LRP8: variants seen among roughly 807,000 people sequenced by gnomAD.
LRP8 encodes LDL receptor related protein 8.
A neutral mutation model predicts 111.6 loss-of-function variants in LRP8; 46 were observed. The observed-to-expected ratio is 0.41, with a 90% CI of 0.33 to 0.53. LRP8 has a LOEUF of 0.53. Ranked by LOEUF, LRP8 falls within the 20% of genes least tolerant of loss-of-function variation. The pLI is 0.20. For synonymous variants in LRP8, 464 were observed against 511.2 expected, an observed-to-expected ratio of 0.91 and a Z score of 1.24; for missense variants, 959 against 1,297.4, an observed-to-expected ratio of 0.74 and a Z score of 4.01.
At chr1:53,309,784 C>T (rs1652661275) in intron 2 of LRP8, among the ~76,000 whole-genome samples, 1 of 152,204 alleles carries the variant, frequency 6.6e-6, no homozygotes, top group African/African-American at 2.4e-5. Flanking sequence ...CCACCTCCGA[C>T]TCCTCTCAGC....
At chr1:53,272,629 G>A in intron 6 of LRP8, 1 of 1,289,626 alleles carries the variant, frequency 7.8e-7, no homozygotes, top group Non-Finnish European at 1.0e-6. Context: ...TGTTTCCCAG[G>A]AATGTTGGCG....
chr1:53,295,458 G>C (rs1038486463), intron 2 of LRP8, among the ~76,000 whole-genome samples: 1 of 152,140 alleles, frequency 6.6e-6, no homozygotes, highest in African/African-American at 2.4e-5. Flanking sequence ...GGCTTTCCTT[G>C]AGCTTGCCCA....
intron 3 of LRP8, among the ~76,000 whole-genome samples, chr1:53,281,042 A>G (rs1647090260): frequency 6.6e-6 from 1 of 152,100 alleles, no homozygotes; most frequent in African/African-American, 2.4e-5. Flanking sequence ...AGTTCTGGCA[A>G]CATGGAGCCA....
chr1:53,311,805 C>A (rs1389142995), intron 2 of LRP8, among the ~76,000 whole-genome samples: 1 of 152,228 alleles, frequency 6.6e-6, no homozygotes, highest in African/African-American at 2.4e-5. Context: ...ATGTGGCTTC[C>A]CTTCTCCCCA....
chr1:53,275,505 GA>G lies in LRP8; in HGVS notation c.1006+125del. ...GGAGCCAGGTGATTTAGGGGCAAGT[GA>G]TGCTCTGGGGGAAAATGCATCTTGG... On this transcript the variant is annotated intron_variant, in intron 6 of 18. Transcript: ENST00000306052. The surrounding 1 kb of genome is among the most constrained non-coding windows in gnomAD (Gnocchi z 4.4). 7.7e-7 allele frequency: 1 copy of G among 1,292,166 alleles called. No individual in the cohort carries two copies. The highest frequency in any genetic ancestry group is 1.1e-6 in the Non-Finnish European group (1 of 930,902). 80.0% of individuals were successfully genotyped at this position (1,292,166 alleles called of 1,614,324 possible).
At chr1:53,319,258 G>C (rs1654187201) in intron 2 of LRP8, among the ~76,000 whole-genome samples, 1 of 152,188 alleles carries the variant, frequency 6.6e-6, no homozygotes, top group Non-Finnish European at 1.5e-5. Context: ...CAGAGTGGCT[G>C]GGATGAAGTC....
chr1:53,251,447 C>G (rs1645892794), intron 16 of LRP8, among the ~76,000 whole-genome samples: 1 of 151,886 alleles, frequency 6.6e-6, no homozygotes, highest in Non-Finnish European at 1.5e-5. Context: ...ACACAGAGGG[C>G]AACACAAGCT....
chr1:53,266,495 G>A lies in LRP8; in HGVS notation c.1405C>T (p.Leu469Phe), dbSNP rs371648387. The change falls in exon 9 of 19, where the codon CTC (leucine) becomes TTC (phenylalanine). Residue 469 changes from leucine (L) to phenylalanine (F), a missense_variant. By Grantham distance (22) the Leu-to-Phe change is conservative. Transcript: ENST00000306052. The surrounding 1 kb of genome is among the most constrained non-coding windows in gnomAD (Gnocchi z 5.0). ...VATNRIYWCD[L>F]SYRKIYSAYM... The stretch of plus-strand genomic sequence containing the variant: ...CACCTATAGATCTTACGGTAGGAGA[G>A]GTCACACCAGTAGATGCGATTGGTG... 3.1e-6 allele frequency: 5 copies of A among 1,614,162 alleles called. No homozygotes were observed. Among genetic ancestry groups the A allele is most frequent in the South Asian group, 2.2e-5 (2 of 91,082 alleles).
rs778529390 is a variant in LRP8 at position 53,243,259 on chromosome 1, C to T, written c.*3759G>A. ...AACTGGACAGTGATTAGTATCCCCT[C>T]TCCAGACTCAACGTCTTCAACATTT... is the stretch of plus-strand genomic sequence containing the variant. On this transcript the variant is annotated 3_prime_UTR_variant, in exon 19 of 19. Coordinates refer to ENST00000306052, the MANE Select transcript of LRP8 (RefSeq NM_004631.5). 1 of 152,194 alleles carries T rather than the reference C, an allele frequency of 6.6e-6. No individual in the cohort carries two copies. The highest frequency in any genetic ancestry group is 1.5e-5 in the Non-Finnish European group (1 of 68,044). 9.4% of individuals were successfully genotyped at this position (152,194 alleles called of 1,614,324 possible).
At chr1:53,260,665 G>T in intron 12 of LRP8, 60 bp from the exon 13 acceptor site, 2 of 1,566,030 alleles carry the variant, frequency 1.3e-6, no homozygotes, top group Non-Finnish European at 1.7e-6. Context: ...ACCTCAGTCT[G>T]AGGGGTTGGC....
At chr1:53,310,597 AGGTCTCT>A (rs1360022377) in intron 2 of LRP8, among the ~76,000 whole-genome samples, 2 of 152,110 alleles carry the variant, frequency 1.3e-5, no homozygotes, top group East Asian at 3.9e-4. Context: ...GCTGGCTCAG[AGGTCTCT>A]GGTCTTTTCT....
chr1:53,244,226 G>A lies in LRP8; in HGVS notation c.*2792C>T, dbSNP rs1645687027. Reference sequence around the variant, plus strand: ...AAGGTAGACCATAGTATAGGTAGCAGGTTTGATACAATGTTCAGGCAGCCC... The same window carrying A: ...AAGGTAGACCATAGTATAGGTAGCAAGTTTGATACAATGTTCAGGCAGCCC... On this transcript the variant is annotated 3_prime_UTR_variant, in exon 19 of 19. Coordinates refer to ENST00000306052, the MANE Select transcript of LRP8 (RefSeq NM_004631.5). The A allele has an allele frequency of 6.6e-6, 1 of 152,360 alleles. No homozygotes were observed. Among genetic ancestry groups the A allele is most frequent in the Middle Eastern group, 3.4e-3 (1 of 294 alleles). 9.4% of individuals were successfully genotyped at this position (152,360 alleles called of 1,614,324 possible).
chr1:53,291,360 T>A (rs1648734804), intron 2 of LRP8, among the ~76,000 whole-genome samples: 1 of 152,112 alleles, frequency 6.6e-6, no homozygotes, highest in African/African-American at 2.4e-5. Flanking sequence ...GCCACTAGGA[T>A]GTGGCCTCTC....
intron 6 of LRP8, 90 bp from the exon 7 acceptor site, chr1:53,271,436 C>T: frequency 6.7e-7 from 1 of 1,482,230 alleles, no homozygotes; most frequent in Non-Finnish European, 9.3e-7. Flanking sequence ...AGCAGAGCCT[C>T]AGGGCAGTGG....
At position 53,303,261 on chromosome 1, in the gene LRP8, G is replaced by A. The variant is rs141805988; in HGVS notation, c.245-13572C>T. ...GCAGACAGGCAAGGGGCATGGCTTA[G>A]CTGGAAAAGCATCTGGGTCCAGTGA... On this transcript the variant is annotated intron_variant, in intron 2 of 18. Coordinates refer to ENST00000306052, the MANE Select transcript of LRP8 (RefSeq NM_004631.5). This position sits in a 1 kb window ranked among gnomAD's most constrained non-coding sequence, Gnocchi z 4.3. 6.6e-6 allele frequency among the ~76,000 whole-genome samples: 1 copy of A among 152,322 alleles called. No homozygotes were observed. Among genetic ancestry groups the A allele is most frequent in the Non-Finnish European group, 1.5e-5 (1 of 68,016 alleles).
chr1:53,313,045 G>A (rs189428916), intron 2 of LRP8, among the ~76,000 whole-genome samples: 1 of 152,218 alleles, frequency 6.6e-6, no homozygotes, highest in African/African-American at 2.4e-5. Context: ...TGCAGCCTCA[G>A]GGTCATGCGG....
intron 2 of LRP8, among the ~76,000 whole-genome samples, chr1:53,308,821 G>C (rs891223708): frequency 8.5e-5 from 13 of 152,206 alleles, no homozygotes; most frequent in Admixed American, 2.6e-4. Context: ...CTTGCCTGGT[G>C]CACTGGCTAA....
intron 3 of LRP8, among the ~76,000 whole-genome samples, chr1:53,286,399 A>T (rs898220172): frequency 1.3e-5 from 2 of 152,220 alleles, no homozygotes. Flanking sequence ...CCCCCCTCCC[A>T]GGTGGAAAGG....
At position 53,258,306 on chromosome 1, in the gene LRP8, A is replaced by G. The variant is rs539165454; in HGVS notation, c.2209+13T>C. The stretch of plus-strand genomic sequence containing the variant: ...CACTGCCAGGGGCCATCCCTCCTGG[A>G]AGGTCTGCTTACCTCGGTAGCACCT... On this transcript the variant is annotated intron_variant, in intron 14 of 18. Coordinates refer to ENST00000306052, the MANE Select transcript of LRP8 (RefSeq NM_004631.5). 6.2e-7 allele frequency: 1 copy of G among 1,612,312 alleles called. No individual in the cohort carries two copies. Among genetic ancestry groups the G allele is most frequent in the African/African-American group, 1.3e-5 (1 of 74,968 alleles).
Sources: allele counts gnomAD v4.1 joint callset (sites outside exome capture counted in the v4.1 genomes callset), GRCh38; gene constraint gnomAD v4.1.1; non-coding constraint Gnocchi (gnomAD v3.1); transcripts MANE v1.5; gene names NCBI Gene and HGNC (gene_info 2026-07-23, HGNC 2026-07-21).